The following CNTN5 variants were observed in gnomAD, a reference collection of about 807,000 sequenced individuals.
CNTN5 encodes the protein contactin-5.
A neutral mutation model predicts 129.1 loss-of-function variants in CNTN5; 77 were observed. That is an observed-to-expected ratio of 0.60 (90% confidence interval 0.50 to 0.72). The LOEUF (loss-of-function observed/expected upper bound fraction) is 0.72. CNTN5 is among the 30% of genes least tolerant of loss of function. CNTN5 has a pLI of 0.00. For synonymous variants in CNTN5, 509 were observed against 465.6 expected (o/e 1.09, Z -1.20); for missense variants, 1,478 against 1,328.8 (o/e 1.11, Z -1.75).
In CNTN5 at chr11:99,184,920, T is replaced by C. The variant is rs542089894; in HGVS notation, c.-209-140426T>C. ...TCATTGGTTTTGAAATTCTTCTTGATCGTGTATAACGTTTAAATAATCAAA... is the reference window on the plus strand; with the variant it reads ...TCATTGGTTTTGAAATTCTTCTTGACCGTGTATAACGTTTAAATAATCAAA... On this transcript the variant is annotated intron_variant, in intron 1 of 24. Coordinates refer to ENST00000524871, the MANE Select transcript of CNTN5 (RefSeq NM_014361.4). 5.9e-5 allele frequency among the ~76,000 whole-genome samples: 9 copies of C among 152,136 alleles called. No individual in the cohort carries two copies. The East Asian group carries it at 1.5e-3, about 26-fold the overall frequency.
intron 3 of CNTN5, among the ~76,000 whole-genome samples, chr11:99,677,806 T>A (rs1357264090): frequency 6.6e-6 from 1 of 152,162 alleles, no homozygotes; most frequent in Admixed American, 6.6e-5. Flanking sequence ...CTGATTTTTA[T>A]GTGTCTGTTG....
chr11:99,270,460 T>A (rs1207821053), intron 1 of CNTN5, among the ~76,000 whole-genome samples: 1 of 151,818 alleles, frequency 6.6e-6, no homozygotes, highest in Non-Finnish European at 1.5e-5. Flanking sequence ...CCCAAAACCT[T>A]CGGGAACAGT....
chr11:99,494,657 T>G (rs1158914517), intron 2 of CNTN5, among the ~76,000 whole-genome samples: 1 of 152,180 alleles, frequency 6.6e-6, no homozygotes, highest in African/African-American at 2.4e-5. Context: ...GATAATTAGC[T>G]TACCACAGAT....
chr11:99,336,472 ATAT>A (rs1866230796), intron 2 of CNTN5, among the ~76,000 whole-genome samples: 1 of 152,222 alleles, frequency 6.6e-6, no homozygotes, highest in Non-Finnish European at 1.5e-5. Flanking sequence ...TAAAATAGAA[ATAT>A]TATTGTGAAA....
chr11:99,972,209 C>T (rs560978779), intron 8 of CNTN5, among the ~76,000 whole-genome samples: 2 of 151,630 alleles, frequency 1.3e-5, no homozygotes, highest in Admixed American at 6.6e-5. Context: ...TGCCGTGAGC[C>T]GAGATTGCGC....
chr11:99,078,504 A>C (rs1865669052), intron 1 of CNTN5, among the ~76,000 whole-genome samples: 1 of 152,236 alleles, frequency 6.6e-6, no homozygotes, highest in African/African-American at 2.4e-5. Context: ...ACTATTCACA[A>C]TAGCCAAGAT....
chr11:99,355,553 G>C (rs1938588164), intron 2 of CNTN5, among the ~76,000 whole-genome samples: 1 of 152,086 alleles, frequency 6.6e-6, no homozygotes, highest in Admixed American at 6.5e-5. Context: ...ACACCACAGG[G>C]CGTTCTGTGG....
chr11:99,310,347 T>C (rs541756360), intron 1 of CNTN5, among the ~76,000 whole-genome samples: 3 of 152,268 alleles, frequency 2.0e-5, no homozygotes, highest in East Asian at 3.9e-4. Context: ...TAAACAAATA[T>C]GTTTTCAGAA....
intron 8 of CNTN5, among the ~76,000 whole-genome samples, chr11:99,971,404 G>A (rs551272776): frequency 1.6e-3 from 236 of 151,976 alleles, no homozygotes; most frequent in Non-Finnish European, 1.8e-3. Context: ...TTAGCTGGGC[G>A]TGGTGGTGCG....
chr11:99,111,661 T>C (rs1438887244), intron 1 of CNTN5, among the ~76,000 whole-genome samples: 4 of 151,854 alleles, frequency 2.6e-5, no homozygotes, highest in Non-Finnish European at 5.9e-5. Context: ...TATAATTATA[T>C]ATATATTTAA....
At chr11:100,008,489 T>C (rs1175109538) in intron 9 of CNTN5, among the ~76,000 whole-genome samples, 2 of 152,120 alleles carry the variant, frequency 1.3e-5, no homozygotes, top group African/African-American at 2.4e-5. Flanking sequence ...TAGAACCAAA[T>C]GCAGGTCTGC....
At chr11:99,851,141 C>A (rs1206025750) in intron 6 of CNTN5, among the ~76,000 whole-genome samples, 1 of 164 alleles carries the variant, frequency 6.1e-3, no homozygotes, top group Non-Finnish European at 0.014. Flanking sequence ...ATTTTAAATT[C>A]TCCCATAAAT....
chr11:100,046,368 T>C (rs11222512), intron 9 of CNTN5, among the ~76,000 whole-genome samples: 18,279 of 152,194 alleles, frequency 0.12, 1,331 homozygotes, highest in Middle Eastern at 0.26. Context: ...GCCTGTATTC[T>C]CTCAAGAGGA....
intron 1 of CNTN5, among the ~76,000 whole-genome samples, chr11:99,199,421 G>A (rs980618165): frequency 6.6e-6 from 1 of 152,170 alleles, no homozygotes; most frequent in Admixed American, 6.5e-5. Flanking sequence ...TTATATATCA[G>A]TTACTGTTGC....
At chr11:99,189,778 T>C (rs1315376448) in intron 1 of CNTN5, among the ~76,000 whole-genome samples, 1 of 151,698 alleles carries the variant, frequency 6.6e-6, no homozygotes, top group Non-Finnish European at 1.5e-5. Flanking sequence ...GTTGAGTTTT[T>C]TGAGTTTTTA....
chr11:99,445,136 CTATT>C (rs1944010054), intron 2 of CNTN5, among the ~76,000 whole-genome samples: 1 of 148,288 alleles, frequency 6.7e-6, no homozygotes, highest in Admixed American at 6.8e-5. Flanking sequence ...ATAAGTGTCC[CTATT>C]TAATCATATA....
At chr11:99,883,507 A>G (rs1410188533) in intron 6 of CNTN5, among the ~76,000 whole-genome samples, 1 of 152,196 alleles carries the variant, frequency 6.6e-6, no homozygotes, top group African/African-American at 2.4e-5. Context: ...TAGAAAGTCA[A>G]TTTCTAAATG....
At chr11:99,943,469 C>G (rs1245466857) in intron 7 of CNTN5, among the ~76,000 whole-genome samples, 1 of 151,988 alleles carries the variant, frequency 6.6e-6, no homozygotes, top group African/African-American at 2.4e-5. Context: ...AAAATTTTCT[C>G]CCGTTCTATA....
At chr11:99,999,326 C>G (rs1361587483) in intron 8 of CNTN5, among the ~76,000 whole-genome samples, 1 of 151,978 alleles carries the variant, frequency 6.6e-6, no homozygotes, top group Non-Finnish European at 1.5e-5. Flanking sequence ...AACAAAGAAC[C>G]CCATCAAAAA....
Sources: allele counts gnomAD v4.1 joint callset (sites outside exome capture counted in the v4.1 genomes callset), GRCh38; gene constraint gnomAD v4.1.1; transcripts MANE v1.5; gene names NCBI Gene and HGNC (gene_info 2026-07-23, HGNC 2026-07-21).